Variants in MEIS1 observed in about 807,000 individuals in gnomAD.
The protein encoded by MEIS1 is Meis homeobox 1, also known as homeobox protein Meis1.
A neutral mutation model predicts 50.8 loss-of-function variants in MEIS1; 5 were observed. The observed-to-expected ratio is 0.10, with a 90% CI of 0.05 to 0.21. The LOEUF is 0.21. MEIS1 is among the 10% of genes least tolerant of loss of function. The pLI is 1.00. For missense variants in MEIS1, 318 were observed against 517.3 expected, an observed-to-expected ratio of 0.61 and a Z score of 3.74; for synonymous variants, 176 against 179.3, an observed-to-expected ratio of 0.98 and a Z score of 0.15.
Position 66,571,754 on chromosome 2 carries a change from G to T in MEIS1, c.*546G>T. ...GAACAAAGAGTGAAATATTGTAAATGCTATTATACTGTTATCCATATTACG... is the reference window on the plus strand; with the variant it reads ...GAACAAAGAGTGAAATATTGTAAATTCTATTATACTGTTATCCATATTACG... On this transcript the variant is annotated 3_prime_UTR_variant, in exon 13 of 13. Transcript: ENST00000272369. 3.6e-6 allele frequency: 2 copies of T among 550,762 alleles called. No homozygotes were observed. Among genetic ancestry groups the T allele is most frequent in the Non-Finnish European group, 6.3e-6 (2 of 315,594 alleles). 34.1% of individuals were successfully genotyped at this position (550,762 alleles called of 1,614,324 possible).
chr2:66,516,201 G>A (rs1198394618), intron 8 of MEIS1, among the ~76,000 whole-genome samples: 1 of 152,114 alleles, frequency 6.6e-6, no homozygotes. Flanking sequence ...CGCTTAATGT[G>A]GTTCTTATTT....
intron 8 of MEIS1, among the ~76,000 whole-genome samples, chr2:66,547,014 C>T (rs1449525711): frequency 9.2e-5 from 14 of 152,122 alleles, no homozygotes; most frequent in Admixed American, 9.2e-4. Context: ...GGTTGACTCT[C>T]AGAAGAATTT....
rs548040880 is a variant in MEIS1 at position 66,517,408 on chromosome 2, G to A, written c.888+5114G>A. ...GCCTTGAAAACTAGTATGAAGGTGC[G>A]AGAAGATTTTTTTTTCCTTGCAGAT... is the stretch of plus-strand genomic sequence containing the variant. On this transcript the variant is annotated intron_variant, in intron 8 of 12. Coordinates refer to ENST00000272369, the MANE Select transcript of MEIS1 (RefSeq NM_002398.3). 4.6e-5 allele frequency among the ~76,000 whole-genome samples: 7 copies of A among 152,022 alleles called. No individual in the cohort carries two copies. In the South Asian group the frequency reaches 1.0e-3, roughly 23 times the overall value.
intron 3 of MEIS1, 34 bp downstream of exon 3, chr2:66,440,018 C>A: frequency 1.9e-6 from 3 of 1,561,308 alleles, no homozygotes; most frequent in Non-Finnish European, 1.7e-6. Context: ...GTAAAAGAAA[C>A]AAAAAGAGAG....
Position 66,440,041 on chromosome 2 carries a change from C to T in MEIS1, c.381+57C>T. ...AACAAAAAGAGAGCCCCCCCTTCGC[C>T]AACACACACGCGCGCGCGCGCGCGC... On this transcript the variant is annotated intron_variant, in intron 3 of 12. Coordinates refer to ENST00000272369, the MANE Select transcript of MEIS1 (RefSeq NM_002398.3). 9.2e-6 allele frequency: 13 copies of T among 1,407,200 alleles called. No individual in the cohort carries two copies. The South Asian group carries it at 1.5e-4, about 17-fold the overall frequency. 87.2% of individuals were successfully genotyped at this position (1,407,200 alleles called of 1,614,324 possible). A position where few individuals can be genotyped will look rare whatever the true frequency, so the allele number is the denominator to read the frequency against.
chr2:66,531,365 C>T (rs1028004495), intron 8 of MEIS1, among the ~76,000 whole-genome samples: 7 of 152,216 alleles, frequency 4.6e-5, no homozygotes, highest in African/African-American at 1.7e-4. Flanking sequence ...TCACAGATGA[C>T]TCATGTGAAG....
chr2:66,511,969 T>C (rs1457270755), intron 7 of MEIS1, among the ~76,000 whole-genome samples, 180 bp from the exon 8 acceptor site: 2 of 152,214 alleles, frequency 1.3e-5, no homozygotes, highest in African/African-American at 4.8e-5. Flanking sequence ...TGACTGCTCT[T>C]GAGCCTAGGC....
chr2:66,465,283 T>G (rs1471920676), intron 7 of MEIS1, among the ~76,000 whole-genome samples: 1 of 152,238 alleles, frequency 6.6e-6, no homozygotes, highest in African/African-American at 2.4e-5. Context: ...TTTAAACATT[T>G]GAGACATTTT....
chr2:66,541,974 A>G (rs1023085717), intron 8 of MEIS1, among the ~76,000 whole-genome samples: 1 of 152,232 alleles, frequency 6.6e-6, no homozygotes, highest in Non-Finnish European at 1.5e-5. Context: ...GGGAAGCATT[A>G]TGGATTTTTT....
intron 6 of MEIS1, among the ~76,000 whole-genome samples, chr2:66,455,488 G>A (rs963804281): frequency 6.6e-6 from 1 of 152,194 alleles, no homozygotes; most frequent in African/African-American, 2.4e-5. Flanking sequence ...TTTTACATCT[G>A]TAGACCTCTG....
intron 6 of MEIS1, among the ~76,000 whole-genome samples, chr2:66,459,045 G>C (rs995512037): frequency 2.0e-5 from 3 of 152,206 alleles, no homozygotes; most frequent in African/African-American, 7.2e-5. Flanking sequence ...TCATCACAAA[G>C]CAAAGAGTGA....
At chr2:66,511,328 A>G (rs908492725) in intron 7 of MEIS1, among the ~76,000 whole-genome samples, 1 of 152,196 alleles carries the variant, frequency 6.6e-6, no homozygotes, top group African/African-American at 2.4e-5. Context: ...ATTTTCTAGA[A>G]TAAAGAGTGT....
chr2:66,537,362 A>C (rs1674546437), intron 8 of MEIS1, among the ~76,000 whole-genome samples: 1 of 152,168 alleles, frequency 6.6e-6, no homozygotes, highest in Admixed American at 6.5e-5. Context: ...CCTGATCAGC[A>C]GGTGTGGAGC....
At chr2:66,513,119 G>A (rs1374735444) in intron 8 of MEIS1, among the ~76,000 whole-genome samples, 2 of 152,138 alleles carry the variant, frequency 1.3e-5, no homozygotes, top group East Asian at 3.9e-4. Flanking sequence ...AAGATACAAT[G>A]AAGATTTGTG....
rs114510769 is a variant in MEIS1, at chr2:66,441,670, G to A, written c.483+206G>A. On this transcript the variant is annotated intron_variant, in intron 5 of 12. Coordinates refer to ENST00000272369, the MANE Select transcript of MEIS1 (RefSeq NM_002398.3). The stretch of plus-strand genomic sequence containing the variant: ...AGCCACTAAAACTGGGATCACAAAC[G>A]CCCTAGCCTTGTGTTCATTCTTAAT... 4,679 of 527,418 alleles carry A rather than the reference G, an allele frequency of 8.9e-3. 35 individuals are homozygous for A. Among genetic ancestry groups the A allele is most frequent in the Non-Finnish European group, 0.012 (3,760 of 306,260 alleles). The allele number at this position is 527,418 out of a possible 1,614,324, so 32.7% of individuals were successfully genotyped here.
chr2:66,509,890 A>G (rs1237222182), intron 7 of MEIS1, among the ~76,000 whole-genome samples: 1 of 152,208 alleles, frequency 6.6e-6, no homozygotes, highest in Admixed American at 6.5e-5. Flanking sequence ...ATTTCCATAA[A>G]TTATCAATGA....
rs770047990 is a variant in MEIS1 at position 66,571,392 on chromosome 2, C to G, written c.*184C>G. 2 of 1,603,978 alleles carry G rather than the reference C, an allele frequency of 1.2e-6. No individual in the cohort carries two copies. The highest frequency in any genetic ancestry group is 2.2e-5 in the South Asian group (2 of 89,986). ...CCCCATGCATACGTACATTCCTGGA[C>G]ACCCTCACCACCCAACAGTGATGAT... On this transcript the variant is annotated 3_prime_UTR_variant, in exon 13 of 13. Transcript: ENST00000272369.
chr2:66,558,325 A>G (rs148599312), intron 9 of MEIS1, among the ~76,000 whole-genome samples: 3,031 of 151,642 alleles, frequency 0.02, 50 homozygotes, highest in South Asian at 0.057. Flanking sequence ...AAAGAAAAAG[A>G]AAAAGGATAG....
chr2:66,453,915 C>G (rs1672331369), intron 6 of MEIS1, among the ~76,000 whole-genome samples: 1 of 151,876 alleles, frequency 6.6e-6, no homozygotes, highest in African/African-American at 2.4e-5. Flanking sequence ...ACACTTGAGA[C>G]TAAACAGTTA....
Sources: gnomAD v4.1 joint callset for allele counts (sites outside exome capture counted in the v4.1 genomes callset) on GRCh38, gnomAD v4.1.1 for gene constraint, MANE v1.5 for transcripts, NCBI Gene and HGNC (gene_info 2026-07-23, HGNC 2026-07-21) for gene names.